The following P2RX7 variants were observed in gnomAD, a reference collection of about 807,000 sequenced individuals.
The protein encoded by P2RX7 is P2X purinoceptor 7.
In P2RX7, 62 loss-of-function variants were observed where a neutral mutation model predicts 71.6. The ratio of observed to expected loss-of-function variants is 0.87; its 90% confidence interval spans 0.71 to 1.07. The LOEUF is 1.07. Ranked by LOEUF, P2RX7 falls within the 50% of genes least tolerant of loss-of-function variation. P2RX7 has a pLI of 0.00. For missense variants in P2RX7, 686 were observed against 748.5 expected (o/e 0.92, Z 0.97); for synonymous variants, 299 against 283.3 (o/e 1.06, Z -0.56).
At chr12:121,144,272 A>T (rs1019876053) in intron 1 of P2RX7, among the ~76,000 whole-genome samples, 1 of 152,110 alleles carries the variant, frequency 6.6e-6, no homozygotes, top group Non-Finnish European at 1.5e-5. Context: ...ATCTCGCCTC[A>T]CTTCGACCTC....
chr12:121,136,520 C>G (rs1187470190), intron 1 of P2RX7, among the ~76,000 whole-genome samples: 2 of 151,862 alleles, frequency 1.3e-5, no homozygotes, highest in East Asian at 3.9e-4. Context: ...GGGGGTCTCC[C>G]TATGTTGCTC....
chr12:121,141,531 C>T (rs1024548097), intron 1 of P2RX7, among the ~76,000 whole-genome samples: 1 of 152,200 alleles, frequency 6.6e-6, no homozygotes, highest in African/African-American at 2.4e-5. Flanking sequence ...GATCATGGAG[C>T]GCCTTGAGCT....
chr12:121,178,539 C>T (rs1193124879), intron 11 of P2RX7, among the ~76,000 whole-genome samples: 2 of 152,208 alleles, frequency 1.3e-5, no homozygotes, highest in Non-Finnish European at 2.9e-5. Flanking sequence ...CGCCTATAAT[C>T]CCAACACTTT....
chr12:121,158,557 C>G lies in P2RX7; in HGVS notation c.364-2345C>G, dbSNP rs1284731194. On this transcript the variant is annotated intron_variant, in intron 3 of 12. Transcript: ENST00000328963. ...TAAGGCTTAGGCCTGGAACTGGCAA[C>G]AGCATTCCTTCTGCTGCTTCTATTG... is the stretch of plus-strand genomic sequence containing the variant. 9.2e-5 allele frequency among the ~76,000 whole-genome samples: 14 copies of G among 152,324 alleles called. No individual in the cohort carries two copies. In the East Asian group the frequency reaches 1.7e-3, roughly 19 times the overall value.
intron 5 of P2RX7, among the ~76,000 whole-genome samples, chr12:121,163,698 T>C (rs1329212639): frequency 6.6e-6 from 1 of 152,162 alleles, no homozygotes; most frequent in Non-Finnish European, 1.5e-5. Flanking sequence ...GCTCAAGCGA[T>C]CCTCCTGCCT....
intron 10 of P2RX7, 23 bp from the exon 11 acceptor site, chr12:121,177,274 G>T (rs1352183219): frequency 6.2e-7 from 1 of 1,614,128 alleles, no homozygotes; most frequent in Non-Finnish European, 8.5e-7. Flanking sequence ...GACTAACGCA[G>T]CGCTTGTCTG....
intron 1 of P2RX7, among the ~76,000 whole-genome samples, chr12:121,139,235 C>T (rs1322425052): frequency 6.6e-6 from 1 of 152,216 alleles, no homozygotes; most frequent in South Asian, 2.1e-4. Context: ...AGCCACCGCA[C>T]CCGGCTGGAT....
intron 11 of P2RX7, among the ~76,000 whole-genome samples, chr12:121,180,147 CAA>C (rs60397642): frequency 2.0e-4 from 13 of 64,604 alleles, no homozygotes; most frequent in Admixed American, 3.9e-4. Flanking sequence ...AACTCCAACT[CAA>C]AAAAAAAAAA....
chr12:121,172,652 C>T (rs569207356), intron 8 of P2RX7, among the ~76,000 whole-genome samples: 1 of 151,962 alleles, frequency 6.6e-6, no homozygotes, highest in Non-Finnish European at 1.5e-5. Context: ...AAACAAACAA[C>T]AACAACAAAG....
chr12:121,163,587 AGATAGACAGGTAGATAG>A (rs1880310378), intron 5 of P2RX7, among the ~76,000 whole-genome samples: 2 of 144,322 alleles, frequency 1.4e-5, no homozygotes, highest in Non-Finnish European at 3.0e-5. Flanking sequence ...GATAATAGAT[AGATAGACAGGTAGATAG>A]ATAGATAGAT....
chr12:121,180,976 G>GA (rs1255375620), intron 12 of P2RX7, among the ~76,000 whole-genome samples: 1 of 149,322 alleles, frequency 6.7e-6, no homozygotes, highest in African/African-American at 2.5e-5. Context: ...AAAAAAAAAA[G>GA]AAAAAAATGT....
intron 4 of P2RX7, among the ~76,000 whole-genome samples, chr12:121,161,821 A>T (rs1192508080): frequency 2.0e-5 from 3 of 150,660 alleles, no homozygotes; most frequent in African/African-American, 4.9e-5. Flanking sequence ...GGGCAATTTT[A>T]AAAATACTGC....
At chr12:121,148,469 C>G (rs1032587365) in intron 1 of P2RX7, among the ~76,000 whole-genome samples, 1 of 152,080 alleles carries the variant, frequency 6.6e-6, no homozygotes, top group Admixed American at 6.6e-5. Context: ...CCTGCCTCAG[C>G]CTCCCAAAGT....
Position 121,152,173 on chromosome 12 carries a change from G to A in P2RX7, c.126-2612G>A, listed in dbSNP as rs138912082. 2.2e-3 allele frequency among the ~76,000 whole-genome samples: 342 copies of A among 152,004 alleles called. 2 individuals carry two copies. The highest frequency in any genetic ancestry group is 7.7e-3 in the African/African-American group (319 of 41,436). On this transcript the variant is annotated intron_variant, in intron 1 of 12. Transcript: ENST00000328963. ...TTTTTGTATTTTTAGTAGAGAGAGG[G>A]TTTCACCATGTTGGTCATGCTGGTC...
rs201472363 is a variant in P2RX7 at position 121,147,593 on chromosome 12, G to GT, written c.126-7184dup. ...TGGCCTACAAAATGCAAAATGGGCAGTTTTTTTTGTTGTTGTTTGTTTGTT... is the reference window on the plus strand; with the variant it reads ...TGGCCTACAAAATGCAAAATGGGCAGTTTTTTTTTGTTGTTGTTTGTTTGTT... On this transcript the variant is annotated intron_variant, in intron 1 of 12. Coordinates refer to ENST00000328963, the MANE Select transcript of P2RX7 (RefSeq NM_002562.6). Among the ~76,000 whole-genome samples, 18 of 116,238 alleles carry GT rather than the reference G, an allele frequency of 1.5e-4. No individual in the cohort carries two copies. In the South Asian group the frequency reaches 1.6e-3, roughly 10 times the overall value. 76.3% of individuals were successfully genotyped at this position (116,238 alleles called of 152,430 possible).
Position 121,133,048 on chromosome 12 carries a change from T to C in P2RX7, c.78T>C (p.Tyr26=). 1.2e-6 allele frequency: 2 copies of C among 1,614,150 alleles called. No individual in the cohort carries two copies. Among genetic ancestry groups the C allele is most frequent in the Non-Finnish European group, 1.7e-6 (2 of 1,180,010 alleles). Reference sequence around the variant, plus strand: ...TCACTCGGATCCAGAGCATGAATTATGGCACCATTAAGTGGTTCTTCCACG... The same window carrying C: ...TCACTCGGATCCAGAGCATGAATTACGGCACCATTAAGTGGTTCTTCCACG... The part of the protein sequence containing the change: ...NKVTRIQSMN[Y]GTIKWFFHVI... The change falls in exon 1 of 13, where the codon TAT becomes TAC. Residue 26 remains tyrosine, a synonymous_variant. Transcript: ENST00000328963.
rs934412053 is a variant in P2RX7, at chr12:121,158,009, C to CA, written c.363+1863dup. 3.2e-4 allele frequency among the ~76,000 whole-genome samples: 49 copies of CA among 152,274 alleles called. 1 individual carries two copies. Among genetic ancestry groups the CA allele is most frequent in the African/African-American group, 1.2e-3 (48 of 41,556 alleles). On this transcript the variant is annotated intron_variant, in intron 3 of 12. Transcript: ENST00000328963. ...AGGTTCCATCGAAGCACTTCCAGCC[C>CA]AGAGAGCACATGTGACTCTTTGGGA...
intron 1 of P2RX7, among the ~76,000 whole-genome samples, chr12:121,139,733 C>T (rs1281949656): frequency 1.6e-5 from 2 of 126,738 alleles, no homozygotes; most frequent in Non-Finnish European, 1.6e-5. Flanking sequence ...CCCTGACCAT[C>T]TTTTTTTTTT....
chr12:121,154,705 G>A lies in P2RX7; in HGVS notation c.126-80G>A. On this transcript the variant is annotated intron_variant, in intron 1 of 12. Coordinates refer to ENST00000328963, the MANE Select transcript of P2RX7 (RefSeq NM_002562.6). This position sits in a 1 kb window ranked among gnomAD's most constrained non-coding sequence, Gnocchi z 4.2. ...CAGCAGAGCTAGGATTGGAACAGAAGTGCCTGCATCCTCCAACGCCTGCAT... is the reference window on the plus strand; with the variant it reads ...CAGCAGAGCTAGGATTGGAACAGAAATGCCTGCATCCTCCAACGCCTGCAT... The A allele has an allele frequency of 1.1e-6, 1 of 878,622 alleles. No individual in the cohort carries two copies. Among genetic ancestry groups the A allele is most frequent in the Non-Finnish European group, 2.0e-6 (1 of 510,470 alleles). 54.4% of individuals were successfully genotyped at this position (878,622 alleles called of 1,614,324 possible). A position where few individuals can be genotyped will look rare whatever the true frequency, so the allele number is the denominator to read the frequency against.
Sources: gnomAD v4.1 joint callset for allele counts (sites outside exome capture counted in the v4.1 genomes callset) on GRCh38, gnomAD v4.1.1 for gene constraint, Gnocchi (gnomAD v3.1) non-coding constraint, MANE v1.5 for transcripts, NCBI Gene and HGNC (gene_info 2026-07-23, HGNC 2026-07-21) for gene names.